SATL1: variants seen among roughly 807,000 people sequenced by gnomAD.
SATL1 encodes spermidine/spermine N(1)-acetyltransferase-like protein 1.
Under a neutral mutation model 51.8 loss-of-function variants are expected in SATL1, and 47 were observed. The observed-to-expected ratio is 0.91, with a 90% confidence interval of 0.72 to 1.16. The LOEUF (loss-of-function observed/expected upper bound fraction) is 1.16. Ranked by LOEUF, SATL1 falls within the 50% of genes most tolerant of loss-of-function variation. The pLI, the probability that SATL1 is intolerant of heterozygous loss-of-function variation, is 0.00. For missense variants in SATL1, 520 were observed against 526.4 expected (o/e 0.99, Z 0.12); for synonymous variants, 176 against 182.4 (o/e 0.97, Z 0.28).
chrX:85,207,427 T>A (rs2147753477), intron 2 of SATL1: 1 of 111,962 alleles, frequency 8.9e-6, no homozygotes, highest in South Asian at 3.7e-4. Context: ...GTGCACAACA[T>A]TTCTGATCTT....
At chrX:85,136,040 G>A (rs1925947532) in intron 2 of SATL1, among the ~76,000 whole-genome samples, 1 of 110,686 alleles carries the variant, frequency 9.0e-6, no homozygotes, top group East Asian at 2.8e-4. Flanking sequence ...TTAGGAGGTA[G>A]AAGTGAGGAG....
intron 2 of SATL1, among the ~76,000 whole-genome samples, chrX:85,112,509 C>T (rs952322160): frequency 9.0e-6 from 1 of 111,674 alleles, no homozygotes; most frequent in African/African-American, 3.3e-5. Context: ...TCCACCAATT[C>T]TTCCCTTGGG....
chrX:85,124,669 G>A (rs4287077), intron 2 of SATL1, among the ~76,000 whole-genome samples: 15,621 of 110,804 alleles, frequency 0.14, 1,713 homozygotes, highest in African/African-American at 0.37. Flanking sequence ...AAGGAATAGG[G>A]GTCCAAATCT....
At chrX:85,211,458 T>C (rs769069781) in intron 2 of SATL1, 114 of 111,792 alleles carry the variant, frequency 1.0e-3, no homozygotes, top group African/African-American at 3.5e-3. Context: ...TTGATTTGTA[T>C]GGATTAGTTT....
At chrX:85,153,377 T>G (rs1926513532) in intron 2 of SATL1, among the ~76,000 whole-genome samples, 1 of 111,669 alleles carries the variant, frequency 9.0e-6, no homozygotes, top group Non-Finnish European at 1.9e-5. Flanking sequence ...ATAGAACTAG[T>G]GTAGCCAAAG....
At chrX:85,183,547 T>C (rs1391853223) in intron 2 of SATL1, among the ~76,000 whole-genome samples, 1 of 111,541 alleles carries the variant, frequency 9.0e-6, no homozygotes, top group Non-Finnish European at 1.9e-5. Context: ...CTGCTTTGGC[T>C]ACTTGGGGTC....
At chrX:85,130,449 A>G (rs1413091596) in intron 2 of SATL1, among the ~76,000 whole-genome samples, 7 of 111,626 alleles carry the variant, frequency 6.3e-5, no homozygotes, top group Non-Finnish European at 1.1e-4. Flanking sequence ...TGTTTATAGT[A>G]TTCTCTGATG....
intron 2 of SATL1, among the ~76,000 whole-genome samples, chrX:85,203,634 G>A (rs752733483): frequency 2.7e-4 from 30 of 110,200 alleles, no homozygotes; most frequent in Non-Finnish European, 5.1e-4. Flanking sequence ...CCTGCTTAAA[G>A]CAGCAGTCTG....
chrX:85,156,026 G>T (rs1204880477), intron 2 of SATL1, among the ~76,000 whole-genome samples: 1 of 111,336 alleles, frequency 9.0e-6, no homozygotes, highest in Non-Finnish European at 1.9e-5. Context: ...AATTTTAATG[G>T]TATAATTAAG....
At chrX:85,147,693 GC>G (rs750965413) in intron 2 of SATL1, among the ~76,000 whole-genome samples, 1 of 112,110 alleles carries the variant, frequency 8.9e-6, no homozygotes, top group East Asian at 2.8e-4. Flanking sequence ...AGCCACCGCT[GC>G]TGATACCCAG....
chrX:85,242,502 C>G (rs1163388078), intron 1 of SATL1, among the ~76,000 whole-genome samples: 1 of 112,338 alleles, frequency 8.9e-6, no homozygotes, highest in Admixed American at 9.4e-5. Context: ...TAATTTTTCA[C>G]TGCGCATTAA....
At chrX:85,166,924 T>TAA (rs1852438375) in intron 2 of SATL1, among the ~76,000 whole-genome samples, 1 of 90,569 alleles carries the variant, frequency 1.1e-5, no homozygotes, top group South Asian at 5.1e-4. Context: ...GGTATATATA[T>TAA]ATATATATAT....
intron 2 of SATL1, among the ~76,000 whole-genome samples, chrX:85,141,586 A>G (rs1926109030): frequency 8.9e-6 from 1 of 111,926 alleles, no homozygotes; most frequent in South Asian, 3.7e-4. Context: ...TCAGGAAAAT[A>G]GAATTTGGTT....
chrX:85,105,977 G>T (rs997831356), intron 3 of SATL1, among the ~76,000 whole-genome samples: 3 of 111,937 alleles, frequency 2.7e-5, no homozygotes, highest in African/African-American at 9.7e-5. Flanking sequence ...CCTTCAGATA[G>T]TTTCATTGAA....
At chrX:85,174,448 G>A (rs1209134177) in intron 2 of SATL1, among the ~76,000 whole-genome samples, 3 of 108,507 alleles carry the variant, frequency 2.8e-5, no homozygotes, top group East Asian at 2.9e-4. Context: ...TCAGCCTCCC[G>A]AGTATTTGGG....
intron 2 of SATL1, among the ~76,000 whole-genome samples, chrX:85,214,933 A>C (rs1928009958): frequency 8.9e-6 from 1 of 111,779 alleles, no homozygotes; most frequent in African/African-American, 3.3e-5. Flanking sequence ...TGCTAGGTGC[A>C]CCCACGTGGC....
intron 2 of SATL1, among the ~76,000 whole-genome samples, chrX:85,221,708 G>T (rs952854536): frequency 8.9e-6 from 1 of 112,174 alleles, no homozygotes; most frequent in Admixed American, 9.4e-5. Context: ...AAGTTAGGCT[G>T]CCCATGAAAG....
intron 2 of SATL1, among the ~76,000 whole-genome samples, chrX:85,200,330 A>C (rs1290324730): frequency 8.9e-6 from 1 of 112,206 alleles, no homozygotes; most frequent in Non-Finnish European, 1.9e-5. Context: ...ATAAAAAATG[A>C]CATAAATAAT....
intron 2 of SATL1, among the ~76,000 whole-genome samples, chrX:85,160,690 C>A (rs1455556176): frequency 9.2e-6 from 1 of 108,196 alleles, no homozygotes; most frequent in Non-Finnish European, 1.9e-5. Flanking sequence ...TGTAAAGCGA[C>A]CAAATCTATG....
Sources: gnomAD v4.1 joint callset for allele counts (sites outside exome capture counted in the v4.1 genomes callset) on GRCh38, gnomAD v4.1.1 for gene constraint, MANE v1.5 for transcripts, NCBI Gene and HGNC (gene_info 2026-07-23, HGNC 2026-07-21) for gene names.